Variants in CPXM2 observed in about 807,000 individuals in gnomAD.
CPXM2 encodes carboxypeptidase X, M14 family member 2, also known as inactive carboxypeptidase-like protein X2.
In CPXM2, 66 loss-of-function variants were observed where a neutral mutation model predicts 86.1. The observed-to-expected ratio is 0.77, with a 90% confidence interval of 0.63 to 0.94. The LOEUF is 0.94. Ranked by LOEUF, CPXM2 falls within the 40% of genes least tolerant of loss-of-function variation. The pLI, the probability that CPXM2 is intolerant of heterozygous loss-of-function variation, is 0.00. For missense variants in CPXM2, 948 were observed against 1,026.3 expected (o/e 0.92, Z 1.04); for synonymous variants, 388 against 400.2 (o/e 0.97, Z 0.36).
chr10:123,792,954 C>T (rs1847241048), intron 6 of CPXM2, among the ~76,000 whole-genome samples: 1 of 152,174 alleles, frequency 6.6e-6, no homozygotes, highest in Non-Finnish European at 1.5e-5. Flanking sequence ...ACCCCAGAGC[C>T]CCCAGAAACC....
intron 2 of CPXM2, among the ~76,000 whole-genome samples, chr10:123,903,003 A>G (rs935785494): frequency 2.6e-5 from 4 of 152,142 alleles, no homozygotes; most frequent in African/African-American, 7.2e-5. Context: ...ACCCTCTGGC[A>G]CTTCCCTTCA....
At chr10:123,839,091 T>C (rs1848332765) in intron 4 of CPXM2, among the ~76,000 whole-genome samples, 1 of 152,244 alleles carries the variant, frequency 6.6e-6, no homozygotes, top group Non-Finnish European at 1.5e-5. Context: ...CAAAGACGTG[T>C]GGCAGGAAGA....
At chr10:123,938,151 C>T (rs527807624) in intron 2 of CPXM2, among the ~76,000 whole-genome samples, 1 of 152,258 alleles carries the variant, frequency 6.6e-6, no homozygotes, top group South Asian at 2.1e-4. Flanking sequence ...ATGTTTCTAA[C>T]ACTTTTGTGT....
At chr10:123,830,872 C>CTCTCTCTGTGTG (rs1258897184) in intron 4 of CPXM2, among the ~76,000 whole-genome samples, 26 of 142,802 alleles carry the variant, frequency 1.8e-4, no homozygotes, top group African/African-American at 6.1e-4. Context: ...CTCTCTCTCT[C>CTCTCTCTGTGTG]TGTGTGTGTG....
intron 6 of CPXM2, among the ~76,000 whole-genome samples, chr10:123,792,992 C>A (rs1029792869): frequency 1.3e-5 from 2 of 152,150 alleles, no homozygotes; most frequent in Non-Finnish European, 2.9e-5. Context: ...TTGGGATTTC[C>A]CTTAGGACTG....
At chr10:123,771,248 C>T (rs560959941) in intron 7 of CPXM2, among the ~76,000 whole-genome samples, 21 of 152,250 alleles carry the variant, frequency 1.4e-4, no homozygotes, top group South Asian at 2.1e-4. Context: ...TTCCAGCACC[C>T]GCTCTATCAT....
intron 6 of CPXM2, among the ~76,000 whole-genome samples, chr10:123,795,137 A>G (rs1264145443): frequency 1.3e-5 from 2 of 152,196 alleles, no homozygotes; most frequent in Non-Finnish European, 2.9e-5. Flanking sequence ...TTTCCAGTGT[A>G]TAGTGCAGTA....
At chr10:123,815,290 T>C (rs1044532421) in intron 4 of CPXM2, among the ~76,000 whole-genome samples, 2 of 152,182 alleles carry the variant, frequency 1.3e-5, no homozygotes, top group African/African-American at 4.8e-5. Context: ...GACAGCCTTA[T>C]CCCTGGTAGA....
intron 2 of CPXM2, among the ~76,000 whole-genome samples, chr10:123,935,469 A>T (rs1945707017): frequency 6.6e-6 from 1 of 152,180 alleles, no homozygotes; most frequent in African/African-American, 2.4e-5. Context: ...GGATGATGTG[A>T]AACTGCTAAA....
At chr10:123,887,762 C>T (rs1158895836) in intron 1 of CPXM2, among the ~76,000 whole-genome samples, 2 of 151,984 alleles carry the variant, frequency 1.3e-5, no homozygotes, top group Non-Finnish European at 2.9e-5. Flanking sequence ...ATCAATCCTG[C>T]CAAGATTGAA....
At chr10:123,809,467 T>C (rs946986958) in intron 4 of CPXM2, among the ~76,000 whole-genome samples, 3 of 152,096 alleles carry the variant, frequency 2.0e-5, no homozygotes, top group Admixed American at 6.6e-5. Context: ...TTAGTGAAGA[T>C]AGAAAAGGCA....
chr10:123,781,700 G>C (rs183406332), intron 6 of CPXM2, among the ~76,000 whole-genome samples: 441 of 152,300 alleles, frequency 2.9e-3, no homozygotes, highest in Non-Finnish European at 4.6e-3. Context: ...GTGGTCCACA[G>C]ACCAGTAGCA....
At chr10:123,786,101 T>C (rs543568736) in intron 6 of CPXM2, among the ~76,000 whole-genome samples, 1 of 152,244 alleles carries the variant, frequency 6.6e-6, no homozygotes, top group Non-Finnish European at 1.5e-5. Flanking sequence ...AGATATGACC[T>C]ACATTTGGCC....
At chr10:123,768,962 T>C (rs866808751) in intron 8 of CPXM2, among the ~76,000 whole-genome samples, 6 of 152,362 alleles carry the variant, frequency 3.9e-5, no homozygotes, top group Middle Eastern at 3.4e-3. Context: ...AGGGGAATAA[T>C]GTCCATTTTT....
intron 1 of CPXM2, among the ~76,000 whole-genome samples, chr10:123,888,602 T>C (rs1445191453): frequency 6.6e-6 from 1 of 152,258 alleles, no homozygotes; most frequent in Non-Finnish European, 1.5e-5. Flanking sequence ...TTTCTCCTAG[T>C]GTAGTTTAAC....
chr10:123,803,765 G>C (rs138974141), intron 4 of CPXM2, among the ~76,000 whole-genome samples: 2,902 of 152,052 alleles, frequency 0.019, 90 homozygotes, highest in African/African-American at 0.062. Context: ...GGGTTCAAGC[G>C]ATTCTCCTGC....
At chr10:123,936,573 A>G (rs889800631) in intron 2 of CPXM2, among the ~76,000 whole-genome samples, 3 of 152,158 alleles carry the variant, frequency 2.0e-5, no homozygotes, top group Non-Finnish European at 4.4e-5. Flanking sequence ...ATCCAAACCA[A>G]AGGAAAATGC....
At chr10:123,761,037 C>T (rs978721292) in intron 11 of CPXM2, among the ~76,000 whole-genome samples, 3 of 152,204 alleles carry the variant, frequency 2.0e-5, no homozygotes, top group African/African-American at 4.8e-5. Flanking sequence ...GGAAATGGGA[C>T]GTCCTCATCC....
chr10:123,875,919 C>A (rs1944979001), intron 2 of CPXM2, among the ~76,000 whole-genome samples: 1 of 147,616 alleles, frequency 6.8e-6, no homozygotes, highest in South Asian at 2.1e-4. Context: ...TGGGTTCAAG[C>A]AATTCTCCTC....
Sources: allele counts gnomAD v4.1 joint callset (sites outside exome capture counted in the v4.1 genomes callset), GRCh38; gene constraint gnomAD v4.1.1; transcripts MANE v1.5; gene names NCBI Gene and HGNC (gene_info 2026-07-23, HGNC 2026-07-21).